The following DDX19B variants were observed in gnomAD, a reference collection of about 807,000 sequenced individuals.
DDX19B encodes ATP-dependent RNA helicase DDX19B.
Under a neutral mutation model 58.1 loss-of-function variants are expected in DDX19B, and 27 were observed. The ratio of observed to expected loss-of-function variants is 0.46; its 90% CI spans 0.34 to 0.64. DDX19B has a LOEUF of 0.64. Among genes scored for constraint, DDX19B ranks in the 30% least tolerant of loss-of-function variants. The probability of loss-of-function intolerance (pLI) is 0.01; values close to 1 mark genes in which losing one functional copy is unlikely to be tolerated. For synonymous variants in DDX19B, 187 were observed against 214.4 expected, an observed-to-expected ratio of 0.87 and a Z score of 1.12; for missense variants, 399 against 596.5, an observed-to-expected ratio of 0.67 and a Z score of 3.45.
chr16:70,322,588 CA>C (rs568610716), intron 5 of DDX19B, among the ~76,000 whole-genome samples: 124 of 47,518 alleles, frequency 2.6e-3, no homozygotes, highest in Admixed American at 5.4e-3. Context: ...GACCTTGTCT[CA>C]AAAAAAAAAA....
chr16:70,332,421 C>T (rs1183326890), intron 10 of DDX19B, among the ~76,000 whole-genome samples: 1 of 152,200 alleles, frequency 6.6e-6, no homozygotes, highest in Non-Finnish European at 1.5e-5. Context: ...CCGCCTCAGC[C>T]TCCCGAGTAG....
At chr16:70,303,477 A>T (rs1000738473) in intron 1 of DDX19B, among the ~76,000 whole-genome samples, 8 of 152,116 alleles carry the variant, frequency 5.3e-5, no homozygotes, top group Non-Finnish European at 8.8e-5. Flanking sequence ...ATTCTCTCAA[A>T]CTACAACTTG....
chr16:70,309,837 A>AAAAAG (rs1300160470), intron 1 of DDX19B, among the ~76,000 whole-genome samples: 13 of 149,526 alleles, frequency 8.7e-5, no homozygotes, highest in South Asian at 2.1e-4. Context: ...AAAAAAAAAA[A>AAAAAG]AGAGAAATAG....
chr16:70,295,833 T>TAGCC (rs930348150), upstream of DDX19B, among the ~76,000 whole-genome samples: 1 of 151,884 alleles, frequency 6.6e-6, no homozygotes, highest in African/African-American at 2.4e-5. Context: ...TGCCTGTGAA[T>TAGCC]AGCCACTGCA....
chr16:70,297,378 A>T (rs1961265089), upstream of DDX19B, among the ~76,000 whole-genome samples: 1 of 151,510 alleles, frequency 6.6e-6, no homozygotes, highest in African/African-American at 2.4e-5. Flanking sequence ...ATGCTTGGCT[A>T]ATTTTTGTAT....
intron 6 of DDX19B, among the ~76,000 whole-genome samples, chr16:70,325,258 T>C (rs1555548480): frequency 6.6e-6 from 1 of 152,190 alleles, no homozygotes; most frequent in Non-Finnish European, 1.5e-5. Context: ...TGCCATCCAT[T>C]AGAAAGTTCT....
chr16:70,294,795 C>A, upstream of DDX19B: 1 of 1,393,524 alleles, frequency 7.2e-7, no homozygotes, highest in Non-Finnish European at 9.4e-7. Context: ...TCCGGCTTGG[C>A]CAGTGCCAAG....
In DDX19B at chr16:70,331,718, A is replaced by G. The variant is rs1382191793; in HGVS notation, c.1024-4A>G. On this transcript the variant is annotated splice_region_variant and splice_polypyrimidine_tract_variant and intron_variant, in intron 9 of 11. Transcript: ENST00000288071. ...TTCATAAAAAACAATTCTTTTCACT[A>G]CAGACTCGCAAAACAGCTAGTTGGC... The G allele has an allele frequency of 3.1e-6, 5 of 1,613,306 alleles. No individual in the cohort carries two copies. The highest frequency in any genetic ancestry group is 4.2e-6 in the Non-Finnish European group (5 of 1,179,854).
At chr16:70,299,524 A>T (rs972646887) in intron 1 of DDX19B, among the ~76,000 whole-genome samples, 170 bp downstream of exon 1, 6 of 152,124 alleles carry the variant, frequency 3.9e-5, no homozygotes, top group African/African-American at 7.2e-5. Context: ...CCTCCGCGTT[A>T]CGTAAGCGCA....
At chr16:70,320,255 C>T (rs544621638) in intron 5 of DDX19B, among the ~76,000 whole-genome samples, 4 of 151,970 alleles carry the variant, frequency 2.6e-5, no homozygotes, top group South Asian at 2.1e-4. Flanking sequence ...ACTACAGGCA[C>T]GTGCTGCCAT....
Position 70,314,961 on chromosome 16 carries a change from A to G in DDX19B, c.160+6A>G, listed in dbSNP as rs781600989. 6.2e-7 allele frequency: 1 copy of G among 1,607,804 alleles called. No homozygotes were observed. The highest frequency in any genetic ancestry group is 8.5e-7 in the Non-Finnish European group (1 of 1,175,842). ...GACAGATGAAGAAGAGAAAGGTAACACAGCCGTGGAGCTTTATATAATAAC... is the reference window on the plus strand; with the variant it reads ...GACAGATGAAGAAGAGAAAGGTAACGCAGCCGTGGAGCTTTATATAATAAC... On this transcript the variant is annotated splice_donor_region_variant and intron_variant, in intron 3 of 11. Coordinates refer to ENST00000288071, the MANE Select transcript of DDX19B (RefSeq NM_007242.7).
chr16:70,329,059 CAA>C (rs58066345), intron 7 of DDX19B, among the ~76,000 whole-genome samples: 8 of 128,120 alleles, frequency 6.2e-5, no homozygotes, highest in African/African-American at 1.1e-4. Flanking sequence ...ACTAAAAATA[CAA>C]AAAAAAAAAA....
intron 1 of DDX19B, among the ~76,000 whole-genome samples, chr16:70,301,466 C>T (rs895642659): frequency 1.3e-5 from 2 of 152,000 alleles, no homozygotes; most frequent in African/African-American, 2.4e-5. Flanking sequence ...CTTGGAGAAT[C>T]TTCTGTTTGT....
chr16:70,311,240 C>T (rs959560332), intron 1 of DDX19B, among the ~76,000 whole-genome samples: 2 of 145,972 alleles, frequency 1.4e-5, no homozygotes, highest in African/African-American at 2.5e-5. Flanking sequence ...ATTAGCCGGG[C>T]GTGGTGGCGG....
intron 1 of DDX19B, among the ~76,000 whole-genome samples, chr16:70,300,016 A>T (rs895304982): frequency 6.6e-6 from 1 of 152,174 alleles, no homozygotes; most frequent in African/African-American, 2.4e-5. Context: ...TCCCACCGAA[A>T]CACTTTAAAT....
At chr16:70,318,382 A>C in intron 5 of DDX19B, among the ~76,000 whole-genome samples, 1 of 132,758 alleles carries the variant, frequency 7.5e-6, no homozygotes, top group East Asian at 2.0e-4. Context: ...TCAAAAATGC[A>C]AAAAAAAAAA....
chr16:70,331,606 T>C, intron 9 of DDX19B, 116 bp from the exon 10 acceptor site: 1 of 1,378,674 alleles, frequency 7.3e-7, no homozygotes, highest in Non-Finnish European at 9.7e-7. Context: ...CCTAACCTCC[T>C]AACTGGATTT....
At chr16:70,297,925 ATGT>A (rs1005578276), upstream of DDX19B, among the ~76,000 whole-genome samples, 4 of 152,084 alleles carry the variant, frequency 2.6e-5, no homozygotes, top group Non-Finnish European at 4.4e-5. Flanking sequence ...AGGCCTCGCT[ATGT>A]TGTTGTTTTC....
At chr16:70,299,072 C>T (rs997946978), upstream of DDX19B, 16 of 1,184,446 alleles carry the variant, frequency 1.4e-5, no homozygotes, top group African/African-American at 2.0e-4. Flanking sequence ...GCTTGCTCTG[C>T]CCGGGGTTGA....
Sources: allele counts gnomAD v4.1 joint callset (sites outside exome capture counted in the v4.1 genomes callset), GRCh38; gene constraint gnomAD v4.1.1; transcripts MANE v1.5; gene names NCBI Gene and HGNC (gene_info 2026-07-23, HGNC 2026-07-21).